CCSER1: variants seen among roughly 807,000 people sequenced by gnomAD.
CCSER1 encodes coiled-coil serine rich protein 1.
A neutral mutation model predicts 82.0 loss-of-function variants in CCSER1; 41 were observed. The ratio of observed to expected loss-of-function variants is 0.50; its 90% CI spans 0.39 to 0.65. The LOEUF (loss-of-function observed/expected upper bound fraction) is 0.65. CCSER1 is among the 30% of genes least tolerant of loss of function. The pLI is 0.00. For missense variants in CCSER1, 1,119 were observed against 1,064.2 expected (o/e 1.05, Z -0.72); for synonymous variants, 414 against 383.9 (o/e 1.08, Z -0.92).
At chr4:90,559,974 A>G (rs959269476) in intron 5 of CCSER1, among the ~76,000 whole-genome samples, 7 of 151,822 alleles carry the variant, frequency 4.6e-5, no homozygotes, top group Non-Finnish European at 1.0e-4. Context: ...GAAAAACTAC[A>G]ACAACAACAA....
At chr4:90,477,617 T>C (rs528510735) in intron 5 of CCSER1, among the ~76,000 whole-genome samples, 81 of 151,108 alleles carry the variant, frequency 5.4e-4, no homozygotes, top group Non-Finnish European at 1.3e-4. Context: ...TATTTGCCCA[T>C]TTTTAAAAGA....
chr4:90,939,494 A>G (rs1731344271), intron 9 of CCSER1, among the ~76,000 whole-genome samples: 1 of 152,180 alleles, frequency 6.6e-6, no homozygotes, highest in Admixed American at 6.5e-5. Flanking sequence ...CAAGGCACTC[A>G]TGAATGTTGC....
At chr4:90,233,527 G>A (rs1745111596) in intron 1 of CCSER1, among the ~76,000 whole-genome samples, 1 of 152,050 alleles carries the variant, frequency 6.6e-6, no homozygotes, top group Non-Finnish European at 1.5e-5. Flanking sequence ...AACGCTAGAT[G>A]ATGAGTTAGT....
intron 1 of CCSER1, among the ~76,000 whole-genome samples, chr4:90,145,987 T>A (rs1725732625): frequency 6.6e-6 from 1 of 152,112 alleles, no homozygotes; most frequent in South Asian, 2.1e-4. Context: ...TATGGCTTGA[T>A]AATTGGCATT....
In CCSER1 at chr4:91,602,599, T is replaced by C. The variant is rs1049276081; in HGVS notation, c.*3542T>C. Reference sequence around the variant, plus strand: ...AGTGGATAATTTGGAATACTTAGCATAATCTCATAATTATAATCTAAATTT... The same window carrying C: ...AGTGGATAATTTGGAATACTTAGCACAATCTCATAATTATAATCTAAATTT... On this transcript the variant is annotated 3_prime_UTR_variant, in exon 11 of 11. Coordinates refer to ENST00000509176, the MANE Select transcript of CCSER1 (RefSeq NM_001145065.2). Among the ~76,000 whole-genome samples the C allele has an allele frequency of 2.0e-5, 3 of 152,180 alleles. No individual in the cohort carries two copies. The highest frequency in any genetic ancestry group is 4.4e-5 in the Non-Finnish European group (3 of 67,938).
intron 10 of CCSER1, among the ~76,000 whole-genome samples, chr4:91,368,751 A>G (rs1237973571): frequency 6.6e-6 from 1 of 152,178 alleles, no homozygotes; most frequent in East Asian, 1.9e-4. Flanking sequence ...AAAAATAACT[A>G]TAAAGTTCAC....
intron 9 of CCSER1, among the ~76,000 whole-genome samples, chr4:90,938,360 A>T (rs560544325): frequency 6.6e-6 from 1 of 152,020 alleles, no homozygotes; most frequent in South Asian, 2.1e-4. Context: ...AAAGAAAAAA[A>T]GTTTATTAGA....
At chr4:91,149,361 G>A (rs1041729596) in intron 10 of CCSER1, among the ~76,000 whole-genome samples, 4 of 152,144 alleles carry the variant, frequency 2.6e-5, no homozygotes, top group African/African-American at 9.7e-5. Context: ...TAAGTTCTTT[G>A]TAGATTCTGG....
chr4:91,160,954 G>A (rs957177409), intron 10 of CCSER1, among the ~76,000 whole-genome samples: 14 of 152,088 alleles, frequency 9.2e-5, no homozygotes, highest in African/African-American at 3.1e-4. Context: ...TGCTTTTGGT[G>A]TTTTAGTCAT....
intron 8 of CCSER1, among the ~76,000 whole-genome samples, chr4:90,917,631 G>T (rs1020594881): frequency 2.0e-4 from 31 of 151,982 alleles, no homozygotes; most frequent in Non-Finnish European, 2.5e-4. Context: ...CCTGCACTTT[G>T]TGCACATGTA....
chr4:91,056,942 T>C (rs79834812), intron 9 of CCSER1, among the ~76,000 whole-genome samples: 1 of 152,094 alleles, frequency 6.6e-6, no homozygotes, highest in African/African-American at 2.4e-5. Context: ...AAGACAAAAA[T>C]GAAGGGTGGA....
chr4:91,313,599 A>G (rs373388024), intron 10 of CCSER1, among the ~76,000 whole-genome samples: 4 of 151,952 alleles, frequency 2.6e-5, no homozygotes, highest in Middle Eastern at 6.8e-3. Context: ...ACTTGCTTAA[A>G]CCATTAAAAC....
chr4:90,459,326 A>G (rs1762584801), intron 4 of CCSER1, among the ~76,000 whole-genome samples: 1 of 152,232 alleles, frequency 6.6e-6, no homozygotes, highest in African/African-American at 2.4e-5. Context: ...AGATTCAGCC[A>G]TTAGGTGGGA....
intron 3 of CCSER1, among the ~76,000 whole-genome samples, chr4:90,373,677 G>A (rs1429261927): frequency 6.6e-6 from 1 of 152,064 alleles, no homozygotes; most frequent in African/African-American, 2.4e-5. Flanking sequence ...AACATTCTAG[G>A]TCTTTCATGG....
intron 10 of CCSER1, among the ~76,000 whole-genome samples, chr4:91,465,142 T>G (rs1756799170): frequency 1.3e-5 from 2 of 152,162 alleles, no homozygotes; most frequent in South Asian, 2.1e-4. Flanking sequence ...GAACAGAAAT[T>G]ATAACAAACT....
intron 10 of CCSER1, among the ~76,000 whole-genome samples, chr4:91,404,370 AG>A (rs756876766): frequency 2.0e-5 from 3 of 152,002 alleles, no homozygotes; most frequent in Non-Finnish European, 2.9e-5. Context: ...GATTTCTTGA[AG>A]GGTTTTTTTC....
intron 10 of CCSER1, among the ~76,000 whole-genome samples, chr4:91,540,262 G>C (rs1457717234): frequency 6.6e-6 from 1 of 152,020 alleles, no homozygotes; most frequent in African/African-American, 2.4e-5. Flanking sequence ...GTTTACATTA[G>C]GGTTCGCACT....
intron 5 of CCSER1, among the ~76,000 whole-genome samples, chr4:90,573,643 A>G (rs1473843420): frequency 6.6e-6 from 1 of 152,168 alleles, no homozygotes; most frequent in African/African-American, 2.4e-5. Context: ...TCTTGGGTGT[A>G]TAGTTACTCA....
At chr4:90,672,682 G>T (rs771745889) in intron 6 of CCSER1, among the ~76,000 whole-genome samples, 4 of 152,022 alleles carry the variant, frequency 2.6e-5, no homozygotes, top group Non-Finnish European at 5.9e-5. Flanking sequence ...CTCAGTTTTA[G>T]ACATGACTTC....
Sources: gnomAD v4.1 joint callset for allele counts (sites outside exome capture counted in the v4.1 genomes callset) on GRCh38, gnomAD v4.1.1 for gene constraint, MANE v1.5 for transcripts, NCBI Gene and HGNC (gene_info 2026-07-23, HGNC 2026-07-21) for gene names.